C9orf153: variants seen among roughly 807,000 people sequenced by gnomAD.
C9orf153 encodes uncharacterized protein C9orf153.
In C9orf153, 10 loss-of-function variants were observed where a neutral mutation model predicts 9.0. The ratio of observed to expected loss-of-function variants is 1.11; its 90% CI spans 0.69 to 1.89. C9orf153 has a LOEUF of 1.89. Among genes scored for constraint, C9orf153 ranks in the 40% most tolerant of loss-of-function variants. The probability of loss-of-function intolerance (pLI) is 0.00; values close to 1 mark genes in which losing one functional copy is unlikely to be tolerated. For synonymous variants in C9orf153, 35 were observed against 37.3 expected (o/e 0.94, Z 0.23); for missense variants, 108 against 111.0 (o/e 0.97, Z 0.12).
At chr9:86,250,561 G>T (rs1449144065) in intron 1 of C9orf153, among the ~76,000 whole-genome samples, 1 of 152,190 alleles carries the variant, frequency 6.6e-6, no homozygotes, top group African/African-American at 2.4e-5. Context: ...GAACATACAT[G>T]ATTAACTCTG....
chr9:86,254,271 G>A (rs1046394340), intron 1 of C9orf153, among the ~76,000 whole-genome samples: 1 of 152,032 alleles, frequency 6.6e-6, no homozygotes. Context: ...ATTTGCCTCC[G>A]GTTTGGACTG....
intron 1 of C9orf153, among the ~76,000 whole-genome samples, chr9:86,242,952 T>G (rs1361979159): frequency 6.6e-6 from 1 of 152,222 alleles, no homozygotes; most frequent in Non-Finnish European, 1.5e-5. Flanking sequence ...GTGTTGGGAT[T>G]ACAGGCGTGA....
intron 3 of C9orf153, chr9:86,227,354 T>TG (rs778262594): frequency 3.3e-6 from 5 of 1,533,948 alleles, no homozygotes; most frequent in Non-Finnish European, 3.5e-6. Flanking sequence ...TTTTTGGAGA[T>TG]GGGGTCTTTC....
rs201278385 is a variant in C9orf153, at chr9:86,251,550, G to GA, written c.-27+7999dup. On this transcript the variant is annotated intron_variant, in intron 1 of 3. Transcript: ENST00000339137. ...TAAGAAAAGTAGAATGTGGTTTTGG[G>GA]AAAAAATTATACAACATCATGAGAA... Among the ~76,000 whole-genome samples the GA allele has an allele frequency of 6.4e-3, 974 of 151,978 alleles. 11 individuals carry two copies. Among genetic ancestry groups the GA allele is most frequent in the Middle Eastern group, 0.024 (7 of 290 alleles).
chr9:86,228,230 C>A (rs1335223408), intron 2 of C9orf153, among the ~76,000 whole-genome samples, 200 bp from the exon 3 acceptor site: 1 of 152,142 alleles, frequency 6.6e-6, no homozygotes, highest in Non-Finnish European at 1.5e-5. Context: ...GGTCAAATCT[C>A]CGATTCACTC....
chr9:86,252,941 T>G (rs1001215328), intron 1 of C9orf153, among the ~76,000 whole-genome samples: 1 of 152,228 alleles, frequency 6.6e-6, no homozygotes, highest in African/African-American at 2.4e-5. Flanking sequence ...TATGACTTTT[T>G]GTTTGAAACA....
At chr9:86,234,880 T>C (rs1358728280) in intron 1 of C9orf153, among the ~76,000 whole-genome samples, 1 of 152,176 alleles carries the variant, frequency 6.6e-6, no homozygotes, top group Non-Finnish European at 1.5e-5. Flanking sequence ...AGCTGAAATA[T>C]GGGCAACGGG....
chr9:86,237,908 G>A (rs1824635604), intron 1 of C9orf153, among the ~76,000 whole-genome samples: 1 of 152,016 alleles, frequency 6.6e-6, no homozygotes, highest in South Asian at 2.1e-4. Flanking sequence ...GCGAAACCCT[G>A]TCTCTACTAA....
At chr9:86,229,018 CT>C in intron 2 of C9orf153, 1 of 233,332 alleles carries the variant, frequency 4.3e-6, no homozygotes, top group South Asian at 8.2e-5. Context: ...AGGAGGATTG[CT>C]TTTAATATTT....
At chr9:86,228,433 G>A (rs1824389686) in intron 2 of C9orf153, among the ~76,000 whole-genome samples, 1 of 152,078 alleles carries the variant, frequency 6.6e-6, no homozygotes, top group Non-Finnish European at 1.5e-5. Context: ...AAGGAAGAAA[G>A]CGAGCCAGAT....
intron 3 of C9orf153, among the ~76,000 whole-genome samples, chr9:86,224,801 T>G (rs1232452026): frequency 6.6e-6 from 1 of 150,912 alleles, no homozygotes; most frequent in Non-Finnish European, 1.5e-5. Context: ...TAGCTGGGCT[T>G]GGTGGTGGGC....
chr9:86,226,058 A>C (rs1421215089), intron 3 of C9orf153, among the ~76,000 whole-genome samples: 1 of 152,170 alleles, frequency 6.6e-6, no homozygotes, highest in Non-Finnish European at 1.5e-5. Flanking sequence ...ACTGAGTCTC[A>C]ACACTTTTCA....
intron 1 of C9orf153, among the ~76,000 whole-genome samples, chr9:86,237,296 T>TA (rs1004451777): frequency 1.5e-4 from 23 of 151,750 alleles, no homozygotes; most frequent in South Asian, 4.2e-4. Context: ...GGGCAAAAAA[T>TA]AAAAAAACAG....
intron 3 of C9orf153, among the ~76,000 whole-genome samples, chr9:86,222,070 T>C (rs1183032393): frequency 6.6e-6 from 1 of 152,044 alleles, no homozygotes; most frequent in Non-Finnish European, 1.5e-5. Flanking sequence ...GTATTTTTAG[T>C]AGAGACGGGG....
intron 3 of C9orf153, among the ~76,000 whole-genome samples, chr9:86,223,703 C>T (rs771614626): frequency 7.2e-4 from 110 of 152,198 alleles, no homozygotes; most frequent in South Asian, 1.2e-3. Context: ...TCGTTGCTTC[C>T]GTATTAAAAG....
At chr9:86,238,446 A>G (rs532263422) in intron 1 of C9orf153, among the ~76,000 whole-genome samples, 1 of 152,370 alleles carries the variant, frequency 6.6e-6, no homozygotes, top group Non-Finnish European at 1.5e-5. Flanking sequence ...TTCTCATACT[A>G]CAGTGGAGTT....
chr9:86,252,250 T>G (rs185892082), intron 1 of C9orf153, among the ~76,000 whole-genome samples: 9 of 152,162 alleles, frequency 5.9e-5, no homozygotes, highest in African/African-American at 2.2e-4. Context: ...GGCCAGCTGG[T>G]CTCAAACTCC....
At position 86,239,581 on chromosome 9, in the gene C9orf153, T is replaced by G. The variant is rs112223202; in HGVS notation, c.-26-9952A>C. ...CCCTGAAGGGCCTGGATGGCTGGACTGGGGCTCAGCAGCAAACCCTTACAG... is the reference window on the plus strand; with the variant it reads ...CCCTGAAGGGCCTGGATGGCTGGACGGGGGCTCAGCAGCAAACCCTTACAG... On this transcript the variant is annotated intron_variant, in intron 1 of 3. Coordinates refer to ENST00000339137, the MANE Select transcript of C9orf153 (RefSeq NM_001276366.4). Among the ~76,000 whole-genome samples, 373 of 152,300 alleles carry G rather than the reference T, an allele frequency of 2.4e-3. 3 individuals are homozygous for G. The highest frequency in any genetic ancestry group is 7.9e-3 in the African/African-American group (328 of 41,568).
At chr9:86,257,802 T>C (rs1205776626) in intron 1 of C9orf153, among the ~76,000 whole-genome samples, 3 of 152,220 alleles carry the variant, frequency 2.0e-5, no homozygotes, top group Non-Finnish European at 4.4e-5. Context: ...TCTGTGGTCT[T>C]GGCCAGGAAC....
Sources: allele counts gnomAD v4.1 joint callset (sites outside exome capture counted in the v4.1 genomes callset), GRCh38; gene constraint gnomAD v4.1.1; transcripts MANE v1.5; gene names NCBI Gene and HGNC (gene_info 2026-07-23, HGNC 2026-07-21).